The following ZBTB16 variants were observed in gnomAD, a reference collection of about 807,000 sequenced individuals.
The protein encoded by ZBTB16 is zinc finger and BTB domain-containing protein 16.
ZBTB16 carries 8 observed loss-of-function variants against 56.8 expected under a neutral mutation model. The observed-to-expected ratio is 0.14, with a 90% CI of 0.08 to 0.25. The LOEUF is 0.25. Among genes scored for constraint, ZBTB16 ranks in the 10% least tolerant of loss-of-function variants. The pLI is 1.00. For synonymous variants in ZBTB16, 363 were observed against 368.5 expected (o/e 0.98, Z 0.17); for missense variants, 625 against 903.0 (o/e 0.69, Z 3.95).
chr11:114,194,664 C>T (rs573198173), intron 4 of ZBTB16, among the ~76,000 whole-genome samples: 1 of 152,320 alleles, frequency 6.6e-6, no homozygotes, highest in South Asian at 2.1e-4. Context: ...GATGCTTGTA[C>T]TTCATTTACA....
chr11:114,242,294 C>T lies in ZBTB16; in HGVS notation c.1581C>T (p.Phe527=). The change falls in exon 5 of 7, where the codon TTC becomes TTT. Residue 527 remains phenylalanine (F), a synonymous_variant. Coordinates refer to ENST00000335953, the MANE Select transcript of ZBTB16 (RefSeq NM_006006.6). The stretch of plus-strand genomic sequence containing the variant: ...TCTGCAGTGAGTGCAACCGCACCTT[C>T]CCCAGCCACACGGCTCTCAAACGCC... ...SYICSECNRT[F]PSHTALKRHL... is the part of the protein sequence containing the mutation. 1 of 1,614,062 alleles carries T rather than the reference C, an allele frequency of 6.2e-7. No homozygotes were observed. Among genetic ancestry groups the T allele is most frequent in the Non-Finnish European group, 8.5e-7 (1 of 1,180,034 alleles).
At chr11:114,110,145 C>T (rs370426337) in intron 2 of ZBTB16, among the ~76,000 whole-genome samples, 8 of 151,998 alleles carry the variant, frequency 5.3e-5, no homozygotes, top group Non-Finnish European at 1.2e-4. Flanking sequence ...CTTGGTGGAG[C>T]CCCTCATGTC....
chr11:114,092,289 G>A (rs748439099), intron 2 of ZBTB16, among the ~76,000 whole-genome samples: 3 of 152,212 alleles, frequency 2.0e-5, no homozygotes, highest in Non-Finnish European at 2.9e-5. Context: ...TGGCTTAGGG[G>A]AGAAGCGAGG....
chr11:114,067,025 C>T (rs2137662263), intron 2 of ZBTB16, among the ~76,000 whole-genome samples: 1 of 152,262 alleles, frequency 6.6e-6, no homozygotes, highest in African/African-American at 2.4e-5. Flanking sequence ...CCACCTCGGC[C>T]TCCCAAAGTG....
chr11:114,139,380 A>G (rs912063052), intron 2 of ZBTB16, among the ~76,000 whole-genome samples: 10 of 151,408 alleles, frequency 6.6e-5, no homozygotes, highest in Middle Eastern at 3.4e-3. Flanking sequence ...CTGCTTCTTC[A>G]CTCTCCGGCT....
intron 6 of ZBTB16, among the ~76,000 whole-genome samples, chr11:114,249,158 T>C (rs1171460520): frequency 6.6e-6 from 1 of 151,128 alleles, no homozygotes; most frequent in African/African-American, 2.4e-5. Flanking sequence ...GGCAAGGTCT[T>C]AGCGGTTTTA....
At chr11:114,243,592 G>A (rs1177580333) in intron 5 of ZBTB16, among the ~76,000 whole-genome samples, 7 of 151,940 alleles carry the variant, frequency 4.6e-5, no homozygotes, top group Non-Finnish European at 8.8e-5. Context: ...GCCCAGAGGG[G>A]TGGGCTCAAT....
intron 4 of ZBTB16, among the ~76,000 whole-genome samples, chr11:114,220,124 G>A (rs916181390): frequency 3.9e-5 from 6 of 152,216 alleles, no homozygotes; most frequent in African/African-American, 1.4e-4. Context: ...CGGAGGGGTC[G>A]AGTTAAGAGG....
At chr11:114,162,492 A>G (rs1226299240) in intron 3 of ZBTB16, among the ~76,000 whole-genome samples, 2 of 152,020 alleles carry the variant, frequency 1.3e-5, no homozygotes, top group Non-Finnish European at 2.9e-5. Context: ...CTCTCCTCCC[A>G]TTCACCTCTC....
chr11:114,253,762 G>A lies in ZBTB16; in HGVS notation c.*3207G>A, dbSNP rs1054808632. 7.9e-5 allele frequency among the ~76,000 whole-genome samples: 12 copies of A among 152,230 alleles called. No individual in the cohort carries two copies. Among genetic ancestry groups the A allele is most frequent in the African/African-American group, 2.9e-4 (12 of 41,452 alleles). ...CCTACAACAACAGAACAGTTCTAAT[G>A]TTGCACGGCCTAGTGGCCAGGGGGC... On this transcript the variant is annotated 3_prime_UTR_variant, in exon 7 of 7. Coordinates refer to ENST00000335953, the MANE Select transcript of ZBTB16 (RefSeq NM_006006.6).
chr11:114,101,626 A>G (rs238930), intron 2 of ZBTB16, among the ~76,000 whole-genome samples: 36,474 of 152,058 alleles, frequency 0.24, 7,725 homozygotes, highest in African/African-American at 0.56. Flanking sequence ...AGCCCCATAA[A>G]CATTTTGAGA....
intron 3 of ZBTB16, among the ~76,000 whole-genome samples, chr11:114,172,063 C>A (rs186975156): frequency 6.6e-6 from 1 of 152,178 alleles, no homozygotes; most frequent in East Asian, 1.9e-4. Flanking sequence ...CTTGGACGTG[C>A]CTTTCACTCG....
chr11:114,233,121 A>G (rs1356046967), intron 4 of ZBTB16, among the ~76,000 whole-genome samples: 1 of 58,980 alleles, frequency 1.7e-5, no homozygotes, highest in South Asian at 7.2e-4. Context: ...ACACACACAC[A>G]CACACTCTCT....
intron 3 of ZBTB16, among the ~76,000 whole-genome samples, chr11:114,162,982 A>G (rs531103365): frequency 6.6e-6 from 1 of 152,310 alleles, no homozygotes; most frequent in South Asian, 2.1e-4. Context: ...CCAGCATTCC[A>G]GAGAGTTTAT....
intron 2 of ZBTB16, among the ~76,000 whole-genome samples, chr11:114,093,240 TG>T (rs1940256123): frequency 1.3e-5 from 2 of 151,998 alleles, no homozygotes; most frequent in South Asian, 4.2e-4. Context: ...TGGCACAGAA[TG>T]GTTCAATTTA....
At chr11:114,244,075 GCACACCC>G (rs2135203723) in intron 5 of ZBTB16, among the ~76,000 whole-genome samples, 1 of 152,322 alleles carries the variant, frequency 6.6e-6, no homozygotes, top group East Asian at 1.9e-4. Flanking sequence ...TACAGGCTGT[GCACACCC>G]CACACACAAT....
At chr11:114,233,073 G>GCACGCA (rs1335081442) in intron 4 of ZBTB16, among the ~76,000 whole-genome samples, 1 of 74,558 alleles carries the variant, frequency 1.3e-5, no homozygotes, top group African/African-American at 5.4e-5. Context: ...GCATGCGCGC[G>GCACGCA]CGCGCGCGCA....
chr11:114,078,142 A>T (rs1038663870), intron 2 of ZBTB16, among the ~76,000 whole-genome samples: 1 of 152,196 alleles, frequency 6.6e-6, no homozygotes, highest in Non-Finnish European at 1.5e-5. Flanking sequence ...TGCATTTATC[A>T]TACGGTTGAT....
intron 2 of ZBTB16, among the ~76,000 whole-genome samples, chr11:114,113,876 T>C (rs238912): frequency 0.42 from 64,274 of 152,046 alleles, 13,806 homozygotes; most frequent in African/African-American, 0.48. Flanking sequence ...CATTCTTTTA[T>C]TTTTATATTC....
Sources: gnomAD v4.1 joint callset for allele counts (sites outside exome capture counted in the v4.1 genomes callset) on GRCh38, gnomAD v4.1.1 for gene constraint, MANE v1.5 for transcripts, NCBI Gene and HGNC (gene_info 2026-07-23, HGNC 2026-07-21) for gene names.